The following CNTNAP2 variants were observed in gnomAD, a reference collection of about 807,000 sequenced individuals.
The protein encoded by CNTNAP2 is contactin associated protein 2, also known as contactin-associated protein-like 2.
A neutral mutation model predicts 155.2 loss-of-function variants in CNTNAP2; 98 were observed. That is an observed-to-expected ratio of 0.63 (90% confidence interval 0.54 to 0.75). CNTNAP2 has a LOEUF of 0.75. Among genes scored for constraint, CNTNAP2 ranks in the 30% least tolerant of loss-of-function variants. CNTNAP2 has a pLI of 0.00. For missense variants in CNTNAP2, 1,727 were observed against 1,688.1 expected (o/e 1.02, Z -0.40); for synonymous variants, 651 against 631.2 (o/e 1.03, Z -0.47).
intron 13 of CNTNAP2, among the ~76,000 whole-genome samples, chr7:147,743,221 A>G (rs554554841): frequency 1.3e-5 from 2 of 152,302 alleles, no homozygotes; most frequent in East Asian, 3.9e-4. Flanking sequence ...GATGTCCACT[A>G]TGATTGCATC....
intron 13 of CNTNAP2, among the ~76,000 whole-genome samples, chr7:147,841,829 G>A (rs1413264801): frequency 6.6e-6 from 1 of 151,980 alleles, no homozygotes; most frequent in East Asian, 1.9e-4. Context: ...TTAAATATTT[G>A]GCTTCAATAA....
chr7:146,252,710 A>G (rs1799773952), intron 1 of CNTNAP2, among the ~76,000 whole-genome samples: 1 of 152,132 alleles, frequency 6.6e-6, no homozygotes, highest in Admixed American at 6.5e-5. Flanking sequence ...ATGTTTTAGG[A>G]TACCCATTGC....
At chr7:148,327,168 T>A (rs1797907877) in intron 21 of CNTNAP2, among the ~76,000 whole-genome samples, 2 of 152,176 alleles carry the variant, frequency 1.3e-5, no homozygotes, top group Non-Finnish European at 2.9e-5. Context: ...GTGGCCTCAC[T>A]GCTCCCAGGG....
chr7:146,143,243 C>T (rs1383258845), intron 1 of CNTNAP2, among the ~76,000 whole-genome samples: 1 of 152,102 alleles, frequency 6.6e-6, no homozygotes. Flanking sequence ...ATTTTATTTT[C>T]TTTTTATTAT....
Position 146,483,326 on chromosome 7 carries a change from T to TATATAC in CNTNAP2, c.98-290942_98-290941insTACATA, listed in dbSNP as rs1554439604. On this transcript the variant is annotated intron_variant, in intron 1 of 23. Coordinates refer to ENST00000361727, the MANE Select transcript of CNTNAP2 (RefSeq NM_014141.6). ...ATATATATATATATATATATATATA[T>TATATAC]ATACATATATATATATTTAAGCACA... is the stretch of plus-strand genomic sequence containing the variant. Among the ~76,000 whole-genome samples, 372 of 79,204 alleles carry TATATAC rather than the reference T, an allele frequency of 4.7e-3. 6 individuals are homozygous for TATATAC. Among genetic ancestry groups the TATATAC allele is most frequent in the Non-Finnish European group, 6.3e-3 (270 of 42,760 alleles). 52.0% of individuals were successfully genotyped at this position (79,204 alleles called of 152,430 possible).
At chr7:146,128,763 C>G (rs889806206) in intron 1 of CNTNAP2, among the ~76,000 whole-genome samples, 1 of 151,870 alleles carries the variant, frequency 6.6e-6, no homozygotes, top group Non-Finnish European at 1.5e-5. Flanking sequence ...GTTATAGCAA[C>G]AAATATACAT....
intron 9 of CNTNAP2, among the ~76,000 whole-genome samples, chr7:147,340,353 T>A (rs1795740276): frequency 6.6e-6 from 1 of 152,146 alleles, no homozygotes; most frequent in Admixed American, 6.6e-5. Context: ...CACTTTTAAA[T>A]CACAAAATAC....
intron 1 of CNTNAP2, among the ~76,000 whole-genome samples, chr7:146,258,575 G>C (rs1424944378): frequency 1.3e-5 from 2 of 152,158 alleles, no homozygotes; most frequent in Admixed American, 1.3e-4. Context: ...GAAGAAAGAT[G>C]TGTACCCATA....
intron 1 of CNTNAP2, among the ~76,000 whole-genome samples, chr7:146,261,201 G>A (rs1165634528): frequency 6.6e-6 from 1 of 151,984 alleles, no homozygotes; most frequent in Non-Finnish European, 1.5e-5. Flanking sequence ...AACCTCTTTT[G>A]TTTGTAAATT....
chr7:148,076,151 T>C (rs2116538200), intron 15 of CNTNAP2, among the ~76,000 whole-genome samples: 1 of 152,302 alleles, frequency 6.6e-6, no homozygotes, highest in African/African-American at 2.4e-5. Flanking sequence ...CTTCAGGAAG[T>C]CTACAGTTCA....
At chr7:146,314,725 G>T (rs1800880182) in intron 1 of CNTNAP2, among the ~76,000 whole-genome samples, 1 of 152,060 alleles carries the variant, frequency 6.6e-6, no homozygotes, top group South Asian at 2.1e-4. Flanking sequence ...CTCCAGGGAG[G>T]GTCTTCAGAT....
intron 13 of CNTNAP2, among the ~76,000 whole-genome samples, chr7:147,894,645 A>ATT (rs1399673894): frequency 1.3e-5 from 2 of 152,026 alleles, no homozygotes; most frequent in South Asian, 4.1e-4. Flanking sequence ...CATTTTGGAG[A>ATT]TTATATACCC....
intron 13 of CNTNAP2, among the ~76,000 whole-genome samples, chr7:147,733,128 A>G (rs1796774330): frequency 1.3e-5 from 2 of 152,226 alleles, no homozygotes; most frequent in African/African-American, 4.8e-5. Context: ...CCTGAATGGT[A>G]TTGCCTAGGT....
At chr7:147,550,221 T>C (rs913141905) in intron 11 of CNTNAP2, among the ~76,000 whole-genome samples, 8 of 152,340 alleles carry the variant, frequency 5.3e-5, no homozygotes, top group Non-Finnish European at 1.2e-4. Context: ...TTGAGAGAGC[T>C]GAGTGATATG....
chr7:146,666,802 A>T (rs994935208), intron 1 of CNTNAP2, among the ~76,000 whole-genome samples: 2 of 152,230 alleles, frequency 1.3e-5, no homozygotes, highest in East Asian at 3.9e-4. Flanking sequence ...TTTGAGAAAC[A>T]TCAGTTCAGA....
intron 3 of CNTNAP2, among the ~76,000 whole-genome samples, chr7:146,967,917 G>A (rs1797691221): frequency 1.3e-5 from 2 of 151,716 alleles, no homozygotes; most frequent in African/African-American, 2.4e-5. Context: ...TCCAGTTTTT[G>A]CGCATTCAGT....
intron 9 of CNTNAP2, among the ~76,000 whole-genome samples, chr7:147,339,968 G>A (rs1014715039): frequency 1.5e-4 from 23 of 152,270 alleles, no homozygotes; most frequent in South Asian, 6.2e-4. Flanking sequence ...GTAAGCAGCT[G>A]CATCTACATA....
At chr7:147,150,927 G>A (rs1399419116) in intron 8 of CNTNAP2, among the ~76,000 whole-genome samples, 1 of 152,164 alleles carries the variant, frequency 6.6e-6, no homozygotes, top group Non-Finnish European at 1.5e-5. Context: ...TAGAATATCA[G>A]CCAAGGGATG....
At chr7:146,806,224 G>A (rs1802964431) in intron 2 of CNTNAP2, among the ~76,000 whole-genome samples, 1 of 152,128 alleles carries the variant, frequency 6.6e-6, no homozygotes, top group South Asian at 2.1e-4. Context: ...AGTTACAGTG[G>A]CTCATGCCTG....
Sources: allele counts gnomAD v4.1 joint callset (sites outside exome capture counted in the v4.1 genomes callset), GRCh38; gene constraint gnomAD v4.1.1; transcripts MANE v1.5; gene names NCBI Gene and HGNC (gene_info 2026-07-23, HGNC 2026-07-21).